RGS5: variants seen among roughly 807,000 people sequenced by gnomAD.
RGS5 encodes the protein regulator of G-protein signalling 5.
A neutral mutation model predicts 18.9 loss-of-function variants in RGS5; 20 were observed. That is an observed-to-expected ratio of 1.06 (90% CI 0.74 to 1.54). The LOEUF (loss-of-function observed/expected upper bound fraction) is 1.54, where lower values mean the gene tolerates loss of function less well. RGS5 is among the 40% of genes most tolerant of loss of function. The pLI is 0.00. For missense variants in RGS5, 201 were observed against 211.8 expected, an observed-to-expected ratio of 0.95 and a Z score of 0.32; for synonymous variants, 57 against 76.2, an observed-to-expected ratio of 0.75 and a Z score of 1.31.
At chr1:163,284,190 A>C (rs774668939) in intron 2 of RGS5, among the ~76,000 whole-genome samples, 1 of 152,204 alleles carries the variant, frequency 6.6e-6, no homozygotes, top group East Asian at 1.9e-4. Flanking sequence ...TTGTTGTTAC[A>C]TAATAAGTGA....
upstream of RGS5, among the ~76,000 whole-genome samples, chr1:163,220,648 T>C (rs553670622): frequency 2.0e-5 from 3 of 152,328 alleles, no homozygotes; most frequent in African/African-American, 7.2e-5. Flanking sequence ...CCCTCAAAGA[T>C]GTCCATGTCC....
chr1:163,229,730 A>ATTGGC (rs1262066412), intron 2 of RGS5, among the ~76,000 whole-genome samples: 1 of 152,112 alleles, frequency 6.6e-6, no homozygotes, highest in Non-Finnish European at 1.5e-5. Context: ...TTACTCAAAT[A>ATTGGC]TTGGCTTTTC....
intron 2 of RGS5, among the ~76,000 whole-genome samples, chr1:163,283,397 C>G (rs1649045827): frequency 6.6e-6 from 1 of 152,132 alleles, no homozygotes; most frequent in Non-Finnish European, 1.5e-5. Flanking sequence ...AAATATCACT[C>G]TGCAGCCCAT....
chr1:163,258,645 CTGTGTGTGTG>C (rs113301415), intron 2 of RGS5, among the ~76,000 whole-genome samples: 6 of 148,394 alleles, frequency 4.0e-5, no homozygotes, highest in Non-Finnish European at 7.5e-5. Context: ...GTAAGTGTGT[CTGTGTGTGTG>C]TGTGTGTGTG....
At chr1:163,149,074 A>G (rs568802036) in intron 4 of RGS5, among the ~76,000 whole-genome samples, 1 of 152,216 alleles carries the variant, frequency 6.6e-6, no homozygotes, top group Non-Finnish European at 1.5e-5. Context: ...AAAGTCTAGG[A>G]TGAAGGGCGT....
At chr1:163,283,017 G>A (rs1649036830) in intron 2 of RGS5, among the ~76,000 whole-genome samples, 1 of 152,132 alleles carries the variant, frequency 6.6e-6, no homozygotes, top group African/African-American at 2.4e-5. Context: ...TATGTTAAGT[G>A]AAATAAGCCA....
At chr1:163,221,331 C>G (rs965845233), upstream of RGS5, among the ~76,000 whole-genome samples, 2 of 152,110 alleles carry the variant, frequency 1.3e-5, no homozygotes, top group African/African-American at 4.8e-5. Context: ...AACTCCATCT[C>G]TACTACAATA....
At chr1:163,224,047 C>G (rs763584261) in intron 2 of RGS5, among the ~76,000 whole-genome samples, 13 of 152,154 alleles carry the variant, frequency 8.5e-5, no homozygotes, top group Non-Finnish European at 1.5e-4. Flanking sequence ...AAACATTTGT[C>G]ATTTCCTTGT....
At chr1:163,287,777 T>C (rs371578620) in intron 2 of RGS5, among the ~76,000 whole-genome samples, 3 of 152,364 alleles carry the variant, frequency 2.0e-5, no homozygotes, top group Admixed American at 6.5e-5. Context: ...GTGTCATATT[T>C]GGGCAGCCAC....
At chr1:163,149,142 G>A (rs1380505904) in intron 4 of RGS5, among the ~76,000 whole-genome samples, 1 of 152,206 alleles carries the variant, frequency 6.6e-6, no homozygotes, top group Non-Finnish European at 1.5e-5. Context: ...ATGCAGGCCT[G>A]TTGGAAGATC....
At chr1:163,221,701 T>A (rs1647231708), upstream of RGS5, among the ~76,000 whole-genome samples, 1 of 152,130 alleles carries the variant, frequency 6.6e-6, no homozygotes, top group Non-Finnish European at 1.5e-5. Context: ...TATCAGGGAG[T>A]TGTGCTGATT....
At chr1:163,161,176 T>C (rs1429165000) in intron 3 of RGS5, among the ~76,000 whole-genome samples, 1 of 152,128 alleles carries the variant, frequency 6.6e-6, no homozygotes, top group Non-Finnish European at 1.5e-5. Context: ...CCAAGGGGAT[T>C]ATATGTAGAA....
At chr1:163,216,065 G>T (rs1571298177) in intron 1 of RGS5, among the ~76,000 whole-genome samples, 1 of 152,146 alleles carries the variant, frequency 6.6e-6, no homozygotes, top group East Asian at 1.9e-4. Context: ...TGATTCTGTA[G>T]GATGTTAGTG....
At chr1:163,279,657 G>A (rs1648941807) in intron 2 of RGS5, among the ~76,000 whole-genome samples, 1 of 151,728 alleles carries the variant, frequency 6.6e-6, no homozygotes, top group Non-Finnish European at 1.5e-5. Flanking sequence ...AAAAGAAATA[G>A]TAAATTCAGA....
chr1:163,313,624 A>G (rs1230101947), intron 1 of RGS5, among the ~76,000 whole-genome samples: 1 of 152,172 alleles, frequency 6.6e-6, no homozygotes, highest in Non-Finnish European at 1.5e-5. Context: ...TTGAACAACA[A>G]AGCATAGCAA....
At chr1:163,188,523 GCTTCCTGAAGAAT>G (rs1364777421) in intron 1 of RGS5, among the ~76,000 whole-genome samples, 1 of 152,190 alleles carries the variant, frequency 6.6e-6, no homozygotes, top group African/African-American at 2.4e-5. Context: ...GGTATCATCA[GCTTCCTGAAGAAT>G]CTTTACTAAA....
intron 2 of RGS5, among the ~76,000 whole-genome samples, chr1:163,253,873 TCCTA>T (rs1279246615): frequency 5.3e-5 from 8 of 151,458 alleles, no homozygotes; most frequent in Non-Finnish European, 8.8e-5. Flanking sequence ...ATTGTTCAGT[TCCTA>T]CCTATGAGTG....
intron 2 of RGS5, among the ~76,000 whole-genome samples, chr1:163,280,063 T>A (rs1273074064): frequency 1.3e-5 from 2 of 152,132 alleles, no homozygotes; most frequent in Admixed American, 1.3e-4. Flanking sequence ...GCTTTACTGA[T>A]GAATTCTACC....
intron 1 of RGS5, chr1:163,172,717 A>G: frequency 9.3e-7 from 1 of 1,074,982 alleles, no homozygotes; most frequent in Non-Finnish European, 1.3e-6. Flanking sequence ...TTAAGTTGTG[A>G]AGTCTATTAA....
Sources: allele counts gnomAD v4.1 joint callset (sites outside exome capture counted in the v4.1 genomes callset), GRCh38; gene constraint gnomAD v4.1.1; transcripts MANE v1.5; gene names NCBI Gene and HGNC (gene_info 2026-07-23, HGNC 2026-07-21).